CADPS: variants seen among roughly 807,000 people sequenced by gnomAD.
CADPS encodes calcium dependent secretion activator.
In CADPS, 57 loss-of-function variants were observed where a neutral mutation model predicts 167.3. The ratio of observed to expected loss-of-function variants is 0.34; its 90% confidence interval spans 0.28 to 0.42. The LOEUF is 0.42. Among genes scored for constraint, CADPS ranks in the 20% least tolerant of loss-of-function variants. The pLI is 1.00. For missense variants in CADPS, 1,414 were observed against 1,738.1 expected (o/e 0.81, Z 3.32); for synonymous variants, 676 against 635.3 (o/e 1.06, Z -0.96).
chr3:62,859,976 G>C (rs1031388554), intron 1 of CADPS, among the ~76,000 whole-genome samples: 1 of 152,126 alleles, frequency 6.6e-6, no homozygotes, highest in Non-Finnish European at 1.5e-5. Flanking sequence ...GAGCTACTCA[G>C]AGGTACAGAT....
At chr3:62,799,525 T>C (rs1045502598) in intron 1 of CADPS, among the ~76,000 whole-genome samples, 3 of 152,168 alleles carry the variant, frequency 2.0e-5, no homozygotes, top group African/African-American at 4.8e-5. Context: ...CAGGTCTAAA[T>C]ACATTTTGTC....
At chr3:62,413,500 T>C (rs1027273166) in intron 28 of CADPS, among the ~76,000 whole-genome samples, 1 of 152,202 alleles carries the variant, frequency 6.6e-6, no homozygotes, top group East Asian at 1.9e-4. Context: ...GAAGATATTA[T>C]GCTAAATGAA....
At chr3:62,604,107 G>A (rs1263469366) in intron 6 of CADPS, among the ~76,000 whole-genome samples, 1 of 152,048 alleles carries the variant, frequency 6.6e-6, no homozygotes, top group African/African-American at 2.4e-5. Context: ...TGGGATTACA[G>A]GTGTGAGCCA....
At chr3:62,470,337 C>T (rs1007052364) in intron 24 of CADPS, among the ~76,000 whole-genome samples, 1 of 152,154 alleles carries the variant, frequency 6.6e-6, no homozygotes, top group African/African-American at 2.4e-5. Context: ...ATAATATGGG[C>T]TTCATATCCC....
At position 62,420,236 on chromosome 3, in the gene CADPS, G is replaced by T. The variant is rs975415373; in HGVS notation, c.3778-17051C>A. Among the ~76,000 whole-genome samples, 1 of 152,158 alleles carries T rather than the reference G, an allele frequency of 6.6e-6. No homozygotes were observed. Among genetic ancestry groups the T allele is most frequent in the African/African-American group, 2.4e-5 (1 of 41,432 alleles). ...GAATCCTAGAATTTGAAGACAATAA[G>T]ACCCAACAACTCTAACTGGGTTAAG... On this transcript the variant is annotated intron_variant, in intron 28 of 29. Coordinates refer to ENST00000383710, the MANE Select transcript of CADPS (RefSeq NM_003716.4). The surrounding 1 kb of genome is among the most constrained non-coding windows in gnomAD (Gnocchi z 4.1).
At chr3:62,861,602 ATTC>A (rs896399352) in intron 1 of CADPS, among the ~76,000 whole-genome samples, 2 of 152,178 alleles carry the variant, frequency 1.3e-5, no homozygotes, top group African/African-American at 4.8e-5. Flanking sequence ...AGACATTTAT[ATTC>A]TTCTTTTCTC....
intron 2 of CADPS, 129 bp downstream of exon 2, chr3:62,765,742 C>A (rs1204595966): frequency 5.4e-6 from 3 of 551,212 alleles, no homozygotes; most frequent in Middle Eastern, 3.7e-4. Flanking sequence ...AACGAATCAC[C>A]AACCCATTTG....
intron 13 of CADPS, among the ~76,000 whole-genome samples, chr3:62,522,944 C>T (rs1238504609): frequency 6.6e-6 from 1 of 152,210 alleles, no homozygotes; most frequent in Non-Finnish European, 1.5e-5. Context: ...CCAGCCACAG[C>T]AGACTATATC....
chr3:62,853,761 G>A (rs1485877156), intron 1 of CADPS, among the ~76,000 whole-genome samples: 2 of 151,982 alleles, frequency 1.3e-5, no homozygotes, highest in African/African-American at 4.8e-5. Flanking sequence ...AGGAGTTTGA[G>A]ACCAGCCTGG....
At chr3:62,524,188 A>G (rs2071449417) in intron 13 of CADPS, among the ~76,000 whole-genome samples, 1 of 152,364 alleles carries the variant, frequency 6.6e-6, no homozygotes, top group Admixed American at 6.5e-5. Context: ...TGTCTCTTTC[A>G]AGTGATTAAT....
intron 6 of CADPS, chr3:62,626,341 A>G: frequency 2.2e-6 from 1 of 463,660 alleles, no homozygotes; most frequent in South Asian, 4.1e-5. Context: ...GCTGGCACGG[A>G]TTTACTAAAC....
intron 18 of CADPS, among the ~76,000 whole-genome samples, chr3:62,497,725 C>T (rs1168231515): frequency 6.6e-6 from 1 of 152,134 alleles, no homozygotes; most frequent in East Asian, 1.9e-4. Context: ...TATATAAATA[C>T]TGTATATATG....
intron 5 of CADPS, 34 bp from the exon 6 acceptor site, chr3:62,645,877 G>T: frequency 1.2e-5 from 19 of 1,613,002 alleles, no homozygotes; most frequent in South Asian, 2.2e-5. Context: ...GGAGGTTATT[G>T]GCAAGGCCCC....
chr3:62,435,581 TTCTGTAAAG>T (rs1048550132), intron 28 of CADPS, among the ~76,000 whole-genome samples: 5 of 152,170 alleles, frequency 3.3e-5, no homozygotes, highest in African/African-American at 9.6e-5. Context: ...AGCACCAATA[TTCTGTAAAG>T]TAGGAGATCA....
chr3:62,696,716 C>T (rs2080355040), intron 3 of CADPS, among the ~76,000 whole-genome samples: 2 of 151,988 alleles, frequency 1.3e-5, no homozygotes, highest in Admixed American at 1.3e-4. Flanking sequence ...TCTTGATGTT[C>T]GATCCTCTGT....
At chr3:62,768,577 C>A (rs304195) in intron 1 of CADPS, among the ~76,000 whole-genome samples, 10,423 of 152,144 alleles carry the variant, frequency 0.069, 1,164 homozygotes, top group African/African-American at 0.23. Context: ...ACACTCTGCC[C>A]AGCCCTGCAC....
At chr3:62,541,286 T>A (rs2075645894) in intron 11 of CADPS, among the ~76,000 whole-genome samples, 1 of 152,204 alleles carries the variant, frequency 6.6e-6, no homozygotes, top group Non-Finnish European at 1.5e-5. Context: ...GACAGTGAGC[T>A]ATATGATTTT....
chr3:62,626,653 G>C (rs1282865862), intron 6 of CADPS: 16 of 687,588 alleles, frequency 2.3e-5, no homozygotes, highest in Non-Finnish European at 4.0e-5. Context: ...AGGCAATTTT[G>C]TTGACGTTTG....
At chr3:62,744,826 C>G (rs2081109952) in intron 3 of CADPS, among the ~76,000 whole-genome samples, 1 of 152,200 alleles carries the variant, frequency 6.6e-6, no homozygotes, top group Non-Finnish European at 1.5e-5. Flanking sequence ...CAATTCCCTG[C>G]TCCTTAGATG....
Sources: allele counts gnomAD v4.1 joint callset (sites outside exome capture counted in the v4.1 genomes callset), GRCh38; gene constraint gnomAD v4.1.1; non-coding constraint Gnocchi (gnomAD v3.1); transcripts MANE v1.5; gene names NCBI Gene and HGNC (gene_info 2026-07-23, HGNC 2026-07-21).